The following KIF6 variants were observed in gnomAD, a reference collection of about 807,000 sequenced individuals.
KIF6 encodes kinesin-like protein KIF6.
A neutral mutation model predicts 112.7 loss-of-function variants in KIF6; 106 were observed. That is an observed-to-expected ratio of 0.94 (90% confidence interval 0.80 to 1.11). KIF6 has a LOEUF of 1.11. Among genes scored for constraint, KIF6 ranks in the 50% least tolerant of loss-of-function variants. The probability of loss-of-function intolerance (pLI) is 0.00; values close to 1 mark genes in which losing one functional copy is unlikely to be tolerated. For missense variants in KIF6, 929 were observed against 964.0 expected, an observed-to-expected ratio of 0.96 and a Z score of 0.48; for synonymous variants, 339 against 339.9, an observed-to-expected ratio of 1.00 and a Z score of 0.03.
chr6:39,358,065 C>T (rs745997446), intron 18 of KIF6, among the ~76,000 whole-genome samples: 4 of 152,240 alleles, frequency 2.6e-5, no homozygotes, highest in African/African-American at 4.8e-5. Flanking sequence ...AGGAGACATC[C>T]ACCGAGCACT....
At chr6:39,620,978 AG>A in intron 5 of KIF6, among the ~76,000 whole-genome samples, 1 of 152,154 alleles carries the variant, frequency 6.6e-6, no homozygotes, top group South Asian at 2.1e-4. Flanking sequence ...CATGTTAGCC[AG>A]GCTGGTCTTG....
At chr6:39,494,883 G>A (rs924142061) in intron 13 of KIF6, among the ~76,000 whole-genome samples, 4 of 152,058 alleles carry the variant, frequency 2.6e-5, no homozygotes, top group African/African-American at 9.7e-5. Flanking sequence ...AAACAGCAGG[G>A]TAGCTGCAGG....
At chr6:39,478,901 C>T (rs1017062644) in intron 13 of KIF6, among the ~76,000 whole-genome samples, 1 of 151,914 alleles carries the variant, frequency 6.6e-6, no homozygotes, top group Non-Finnish European at 1.5e-5. Flanking sequence ...TGTATATCTT[C>T]TTTCAAGAAT....
intron 3 of KIF6, among the ~76,000 whole-genome samples, chr6:39,703,787 G>A (rs1480307839): frequency 6.6e-6 from 1 of 152,116 alleles, no homozygotes; most frequent in African/African-American, 2.4e-5. Flanking sequence ...CATATTTTCA[G>A]TATGATTTTG....
chr6:39,501,661 A>G (rs1300610616), intron 13 of KIF6, among the ~76,000 whole-genome samples: 1 of 152,258 alleles, frequency 6.6e-6, no homozygotes, highest in Admixed American at 6.5e-5. Context: ...GCTGAAAAAC[A>G]TATTACAAGA....
At chr6:39,388,003 C>G (rs1328112164) in intron 15 of KIF6, among the ~76,000 whole-genome samples, 1 of 152,170 alleles carries the variant, frequency 6.6e-6, no homozygotes, top group Non-Finnish European at 1.5e-5. Flanking sequence ...CCACGAGCCT[C>G]TCATATGACT....
chr6:39,486,920 G>T (rs964856162), intron 13 of KIF6, among the ~76,000 whole-genome samples: 3 of 152,090 alleles, frequency 2.0e-5, no homozygotes, highest in African/African-American at 7.2e-5. Flanking sequence ...TCAGTAAGTT[G>T]AATTATAAAT....
At chr6:39,689,803 C>T (rs303651) in intron 3 of KIF6, among the ~76,000 whole-genome samples, 8,325 of 152,146 alleles carry the variant, frequency 0.055, 745 homozygotes, top group African/African-American at 0.19. Context: ...CCATGTCTTG[C>T]TATGTTGCCC....
chr6:39,625,345 T>G (rs2150742532), intron 5 of KIF6, among the ~76,000 whole-genome samples: 1 of 152,316 alleles, frequency 6.6e-6, no homozygotes, highest in South Asian at 2.1e-4. Flanking sequence ...TAGGTTGGGC[T>G]AGGCTTCGTG....
At chr6:39,481,368 T>A (rs1213582620) in intron 13 of KIF6, among the ~76,000 whole-genome samples, 1 of 152,164 alleles carries the variant, frequency 6.6e-6, no homozygotes, top group Non-Finnish European at 1.5e-5. Flanking sequence ...GTATTACCTC[T>A]TCAACATATA....
chr6:39,487,088 T>C (rs781186729), intron 13 of KIF6, among the ~76,000 whole-genome samples: 4 of 152,186 alleles, frequency 2.6e-5, no homozygotes, highest in Non-Finnish European at 5.9e-5. Flanking sequence ...CAGCATTCTA[T>C]CCTTTCTGAG....
chr6:39,612,784 T>C (rs532726146), intron 6 of KIF6, among the ~76,000 whole-genome samples: 38 of 152,288 alleles, frequency 2.5e-4, no homozygotes, highest in African/African-American at 8.9e-4. Flanking sequence ...GATTTCAGGT[T>C]AGGAAAAATG....
At chr6:39,454,651 CA>C (rs1246530389) in intron 13 of KIF6, among the ~76,000 whole-genome samples, 8 of 152,156 alleles carry the variant, frequency 5.3e-5, no homozygotes, top group African/African-American at 1.9e-4. Context: ...GGGCGCAGGC[CA>C]GTGGGTGCGC....
At chr6:39,629,978 C>A (rs1784277202) in intron 5 of KIF6, among the ~76,000 whole-genome samples, 1 of 152,000 alleles carries the variant, frequency 6.6e-6, no homozygotes, top group Non-Finnish European at 1.5e-5. Context: ...GCTTCTTTGT[C>A]AAAAATCAGT....
chr6:39,638,880 C>G, intron 4 of KIF6, among the ~76,000 whole-genome samples: 1 of 151,878 alleles, frequency 6.6e-6, no homozygotes, highest in East Asian at 1.9e-4. Flanking sequence ...ACATAACCAA[C>G]AAAATAAAGC....
At chr6:39,419,835 C>A (rs1456648817) in intron 15 of KIF6, 113 bp downstream of exon 15, 3 of 887,792 alleles carry the variant, frequency 3.4e-6, no homozygotes, top group African/African-American at 3.3e-5. Flanking sequence ...TTGGCAGGGG[C>A]TCTCCTGAAA....
At chr6:39,656,968 C>G (rs960801251) in intron 3 of KIF6, among the ~76,000 whole-genome samples, 1 of 152,104 alleles carries the variant, frequency 6.6e-6, no homozygotes, top group African/African-American at 2.4e-5. Flanking sequence ...TGGTGGCTCA[C>G]GCCTATAATC....
Position 39,540,080 on chromosome 6 carries a change from C to A in KIF6, c.1568G>T (p.Arg523Leu). Residue 523 changes from arginine to leucine, a missense_variant, in exon 13 of 23, where the codon CGA becomes CTA. By Grantham distance (102) the Arg-to-Leu change is moderately radical. Coordinates refer to ENST00000287152, the MANE Select transcript of KIF6 (RefSeq NM_145027.6). ...GGCCTGTGAGGGAGCTGAGGATAGT[C>A]GCATTCTTTGACCTTCTTCTGGGTT... ...LGNPEEGQRM[R>L]LSSAPSQAQD... 6.2e-7 allele frequency: 1 copy of A among 1,614,138 alleles called. No individual in the cohort carries two copies. Among genetic ancestry groups the A allele is most frequent in the East Asian group, 2.2e-5 (1 of 44,874 alleles).
At chr6:39,664,493 C>T (rs1786341254) in intron 3 of KIF6, among the ~76,000 whole-genome samples, 1 of 152,132 alleles carries the variant, frequency 6.6e-6, no homozygotes, top group African/African-American at 2.4e-5. Flanking sequence ...CCAAAATATA[C>T]AGTGTTTTTC....
Sources: gnomAD v4.1 joint callset for allele counts (sites outside exome capture counted in the v4.1 genomes callset) on GRCh38, gnomAD v4.1.1 for gene constraint, MANE v1.5 for transcripts, NCBI Gene and HGNC (gene_info 2026-07-23, HGNC 2026-07-21) for gene names.